The following DMXL2 variants were observed in gnomAD, a reference collection of about 807,000 sequenced individuals.
The protein encoded by DMXL2 is Dmx like 2, also known as dmX-like protein 2.
In DMXL2, 103 loss-of-function variants were observed where a neutral mutation model predicts 331.1. The observed-to-expected ratio is 0.31, with a 90% CI of 0.27 to 0.37. The LOEUF is 0.37. Among genes scored for constraint, DMXL2 ranks in the 10% least tolerant of loss-of-function variants. The pLI is 1.00. For synonymous variants in DMXL2, 1,281 were observed against 1,252.1 expected (o/e 1.02, Z -0.49); for missense variants, 3,171 against 3,642.9 (o/e 0.87, Z 3.33).
At chr15:51,593,278 A>AACC in intron 1 of DMXL2, among the ~76,000 whole-genome samples, 1 of 152,224 alleles carries the variant, frequency 6.6e-6, no homozygotes, top group Non-Finnish European at 1.5e-5. Flanking sequence ...GTCTCTGATA[A>AACC]AACAGACTTT....
chr15:51,557,044 G>A (rs552379792), intron 6 of DMXL2, among the ~76,000 whole-genome samples: 87 of 124,620 alleles, frequency 7.0e-4, no homozygotes, highest in African/African-American at 2.2e-3. Flanking sequence ...CCTAGACACT[G>A]CAGTTAAAAA....
At chr15:51,510,038 G>A (rs898545732) in intron 15 of DMXL2, among the ~76,000 whole-genome samples, 2 of 152,092 alleles carry the variant, frequency 1.3e-5, no homozygotes, top group African/African-American at 4.8e-5. Context: ...AATAAACTAC[G>A]TATTAATGAA....
At chr15:51,596,528 C>G (rs1243730547) in intron 1 of DMXL2, among the ~76,000 whole-genome samples, 1 of 152,188 alleles carries the variant, frequency 6.6e-6, no homozygotes, top group Non-Finnish European at 1.5e-5. Flanking sequence ...CCTCAGGGAT[C>G]TTGAACTAGA....
At chr15:51,528,916 T>C (rs2047840593) in intron 13 of DMXL2, among the ~76,000 whole-genome samples, 2 of 152,298 alleles carry the variant, frequency 1.3e-5, no homozygotes, top group Admixed American at 6.5e-5. Context: ...GCATCTTCTC[T>C]GACCACATTG....
chr15:51,621,878 G>A (rs2054652704), intron 1 of DMXL2, among the ~76,000 whole-genome samples: 1 of 152,136 alleles, frequency 6.6e-6, no homozygotes, highest in South Asian at 2.1e-4. Context: ...CGGGCGCGGA[G>A]GATGAATTTT....
At position 51,563,440 on chromosome 15, in the gene DMXL2, C is replaced by T. The variant is rs2050086298; in HGVS notation, c.508G>A (p.Val170Ile). The change falls in exon 6 of 44, where the codon GTA becomes ATA. Residue 170 changes from valine (V) to isoleucine (I), a missense_variant. Around this residue, in one of 7 missense-constraint regions of DMXL2, gnomAD observed 1,674 missense variants for 1,780.2 expected, o/e 0.94. Coordinates refer to ENST00000560891, the MANE Select transcript of DMXL2 (RefSeq NM_001378457.1). ...GACCATTCCATCAAATGTACAGATA[C>T]TGAGGTTCTAAAAAAGAGAGAGTTA... ...WKCVWQCKTS[V>I]SVHLMEWSPD... is the part of the protein sequence containing the mutation. The T allele has an allele frequency of 6.2e-7, 1 of 1,604,072 alleles. No individual in the cohort carries two copies. The highest frequency in any genetic ancestry group is 1.3e-5 in the African/African-American group (1 of 74,174).
At chr15:51,471,161 G>A (rs900712881) in intron 29 of DMXL2, 62 bp downstream of exon 29, 3 of 1,486,188 alleles carry the variant, frequency 2.0e-6, no homozygotes, top group African/African-American at 1.4e-5. Flanking sequence ...TGAGACACAT[G>A]CAAGAGTTAA....
At chr15:51,605,899 TA>T (rs1173584844) in intron 1 of DMXL2, among the ~76,000 whole-genome samples, 2 of 152,120 alleles carry the variant, frequency 1.3e-5, no homozygotes, top group African/African-American at 4.8e-5. Flanking sequence ...GCTAAAAAAA[TA>T]AAAAATACTG....
chr15:51,622,194 A>G (rs2054686596), intron 1 of DMXL2, among the ~76,000 whole-genome samples: 1 of 152,190 alleles, frequency 6.6e-6, no homozygotes. Flanking sequence ...CTTCTAGTCC[A>G]GTCACCTCAG....
rs756109559 is a variant in DMXL2, at chr15:51,514,546, G to A, written c.2540C>T (p.Thr847Ile). 2 of 1,584,232 alleles carry A rather than the reference G, an allele frequency of 1.3e-6. No individual in the cohort carries two copies. The highest frequency in any genetic ancestry group is 1.7e-4 in the Middle Eastern group (1 of 5,998). ...DAITNQCGSNTQLLHVFQEDF... is the reference protein window; with the variant it reads ...DAITNQCGSNIQLLHVFQEDF... ...TTCTTGAAACACATGAAGCAACTGT[G>A]TATTTGAGCCACACTACAAATACAA... Residue 847 changes from threonine to isoleucine, a missense_variant, in exon 15 of 44, where the codon ACA becomes ATA. This residue lies in a region of DMXL2 where 1,674 missense variants were observed against 1,780.2 expected (regional missense o/e 0.94). Coordinates refer to ENST00000560891, the MANE Select transcript of DMXL2 (RefSeq NM_001378457.1).
chr15:51,582,955 T>C (rs1219167585), intron 1 of DMXL2, among the ~76,000 whole-genome samples: 4 of 151,958 alleles, frequency 2.6e-5, no homozygotes, highest in Admixed American at 6.6e-5. Flanking sequence ...CTTCCTGAAA[T>C]GTTCAATATA....
chr15:51,609,594 C>G (rs886644242), intron 1 of DMXL2, among the ~76,000 whole-genome samples: 2 of 152,190 alleles, frequency 1.3e-5, no homozygotes, highest in African/African-American at 4.8e-5. Context: ...CTGGGAGCAA[C>G]AGGCTATACC....
At position 51,459,950 on chromosome 15, in the gene DMXL2, C is replaced by G. The variant is rs1199918800; in HGVS notation, c.7927-290G>C. The G allele has an allele frequency of 3.0e-6, 3 of 984,190 alleles. No individual in the cohort carries two copies. In the Admixed American group the frequency reaches 1.8e-4, roughly 61 times the overall value. The allele number at this position is 984,190 out of a possible 1,614,324, so 61.0% of individuals were successfully genotyped here. ...GTTTTAAGAAATCTAAGTTACATAA[C>G]TGGTAATCTATAAAATTAAAGCCCA... On this transcript the variant is annotated intron_variant, in intron 33 of 43. Coordinates refer to ENST00000560891, the MANE Select transcript of DMXL2 (RefSeq NM_001378457.1).
chr15:51,607,160 C>A (rs1265436618), intron 1 of DMXL2, among the ~76,000 whole-genome samples: 1 of 133,946 alleles, frequency 7.5e-6, no homozygotes, highest in Non-Finnish European at 1.6e-5. Flanking sequence ...ACTCTGCCCC[C>A]ACCAAAAAAA....
intron 16 of DMXL2, among the ~76,000 whole-genome samples, chr15:51,503,680 A>C (rs554540478): frequency 6.6e-6 from 1 of 152,280 alleles, no homozygotes; most frequent in South Asian, 2.1e-4. Context: ...GTTAACAACA[A>C]TGTATATTTC....
Position 51,481,230 on chromosome 15 carries a change from T to C in DMXL2, c.5876A>G (p.Gln1959Arg). 1 of 1,613,956 alleles carries C rather than the reference T, an allele frequency of 6.2e-7. No individual in the cohort carries two copies. Among genetic ancestry groups the C allele is most frequent in the Non-Finnish European group, 8.5e-7 (1 of 1,179,928 alleles). The change falls in exon 24 of 44, where the codon CAG (glutamine) becomes CGG (arginine). Residue 1959 changes from glutamine to arginine, a missense_variant. Coordinates refer to ENST00000560891, the MANE Select transcript of DMXL2 (RefSeq NM_001378457.1). ...GIEWSNVTSS[Q>R]YDWSQPIVKV... ...TACTATTGGCTGACTCCAGTCATAC[T>C]GTGATGAAGTTACATTTGACCATTC...
Position 51,563,460 on chromosome 15 carries a change from G to A in DMXL2, c.501-13C>T. On this transcript the variant is annotated splice_polypyrimidine_tract_variant and intron_variant, in intron 5 of 43. Coordinates refer to ENST00000560891, the MANE Select transcript of DMXL2 (RefSeq NM_001378457.1). ...AGATACTGAGGTTCTAAAAAAGAGA[G>A]AGTTAGGCAATTAGCCCTTTTAAAA... 5.7e-6 allele frequency: 9 copies of A among 1,590,748 alleles called. No homozygotes were observed. In the South Asian group the frequency reaches 5.7e-5, roughly 10 times the overall value.
chr15:51,447,959 G>A lies in DMXL2; in HGVS notation c.*1025C>T, dbSNP rs758223923. On this transcript the variant is annotated 3_prime_UTR_variant, in exon 44 of 44. Transcript: ENST00000560891. ...TTGCTGGTAAACATTTAAACACACA[G>A]ACATTAGTTTCAGTATCTCAACATA... 8 of 152,582 alleles carry A rather than the reference G, an allele frequency of 5.2e-5. No individual in the cohort carries two copies. The highest frequency in any genetic ancestry group is 1.0e-4 in the Non-Finnish European group (7 of 68,032). 9.5% of individuals were successfully genotyped at this position (152,582 alleles called of 1,614,324 possible).
intron 17 of DMXL2, among the ~76,000 whole-genome samples, chr15:51,501,419 C>A (rs1325543720): frequency 6.6e-6 from 1 of 152,198 alleles, no homozygotes; most frequent in Non-Finnish European, 1.5e-5. Context: ...ACCACCCAAA[C>A]TATAGTCTTT....
Sources: allele counts gnomAD v4.1 joint callset (sites outside exome capture counted in the v4.1 genomes callset), GRCh38; gene constraint gnomAD v4.1.1; regional missense constraint gnomAD v4.1.1; transcripts MANE v1.5; gene names NCBI Gene and HGNC (gene_info 2026-07-23, HGNC 2026-07-21).